TMEM39A: variants seen among roughly 807,000 people sequenced by gnomAD.
The protein encoded by TMEM39A is transmembrane protein 39A.
A neutral mutation model predicts 51.9 loss-of-function variants in TMEM39A; 19 were observed. The observed-to-expected ratio is 0.37, with a 90% CI of 0.26 to 0.54. The LOEUF (loss-of-function observed/expected upper bound fraction) is 0.54. Ranked by LOEUF, TMEM39A falls within the 20% of genes least tolerant of loss-of-function variation. The pLI is 0.88. For synonymous variants in TMEM39A, 197 were observed against 220.2 expected, an observed-to-expected ratio of 0.89 and a Z score of 0.93; for missense variants, 433 against 590.5, an observed-to-expected ratio of 0.73 and a Z score of 2.76.
intron 5 of TMEM39A, chr3:119,446,710 C>A: frequency 4.6e-6 from 1 of 216,272 alleles, no homozygotes; most frequent in Non-Finnish European, 9.1e-6. Context: ...AATTAACTAC[C>A]GTTTACCCAA....
chr3:119,437,352 AG>A (rs1271148529), intron 6 of TMEM39A, among the ~76,000 whole-genome samples: 1 of 151,392 alleles, frequency 6.6e-6, no homozygotes, highest in African/African-American at 2.4e-5. Flanking sequence ...TTTCTATTAA[AG>A]TAAACTGAAG....
Position 119,431,887 on chromosome 3 carries a change from TA to T in TMEM39A, c.*93del. The T allele has an allele frequency of 2.3e-6, 2 of 864,558 alleles. No individual in the cohort carries two copies. The highest frequency in any genetic ancestry group is 3.4e-6 in the Non-Finnish European group (2 of 587,874). 53.6% of individuals were successfully genotyped at this position (864,558 alleles called of 1,614,324 possible). A position where few individuals can be genotyped will look rare whatever the true frequency, so the allele number is the denominator to read the frequency against. ...TCAAAACATAATAGTATACAAAATA[TA>T]AAATATCTTAAATATTTATAAAAAT... is the stretch of plus-strand genomic sequence containing the variant. On this transcript the variant is annotated 3_prime_UTR_variant, in exon 9 of 9. Coordinates refer to ENST00000319172, the MANE Select transcript of TMEM39A (RefSeq NM_018266.3).
chr3:119,458,377 T>C (rs1028315100), intron 2 of TMEM39A, 137 bp from the exon 3 acceptor site: 9 of 679,144 alleles, frequency 1.3e-5, no homozygotes, highest in South Asian at 7.6e-5. Context: ...GATCCTCTTT[T>C]CTCCCTCCAC....
chr3:119,433,758 C>T (rs1021014397), intron 8 of TMEM39A, among the ~76,000 whole-genome samples: 1 of 152,118 alleles, frequency 6.6e-6, no homozygotes, highest in Non-Finnish European at 1.5e-5. Context: ...TTTCCACTGG[C>T]GTCAAGAAGG....
chr3:119,453,335 T>C (rs2081223358), intron 3 of TMEM39A, among the ~76,000 whole-genome samples: 1 of 152,204 alleles, frequency 6.6e-6, no homozygotes, highest in Non-Finnish European at 1.5e-5. Flanking sequence ...AGATACAGTG[T>C]GGAAGATGAC....
At chr3:119,449,720 A>T (rs1195285926) in intron 4 of TMEM39A, among the ~76,000 whole-genome samples, 1 of 152,130 alleles carries the variant, frequency 6.6e-6, no homozygotes, top group Non-Finnish European at 1.5e-5. Flanking sequence ...ATTTTTTTCA[A>T]TAAAATATAC....
chr3:119,436,966 A>G lies in TMEM39A; in HGVS notation c.937T>C (p.Tyr313His). The change falls in exon 7 of 9, where the codon TAT becomes CAT. Residue 313 changes from tyrosine (Y) to histidine (H), a missense_variant. Coordinates refer to ENST00000319172, the MANE Select transcript of TMEM39A (RefSeq NM_018266.3). ...PLCFVKSTQY[Y>H]DMRWSCEHLI... Reference sequence around the variant, plus strand: ...TGCTCACATGACCAGCGCATGTCATAGTACTGGGTACTCTGGAAGAGATCA... The same window carrying G: ...TGCTCACATGACCAGCGCATGTCATGGTACTGGGTACTCTGGAAGAGATCA... 1 of 1,612,982 alleles carries G rather than the reference A, an allele frequency of 6.2e-7. No homozygotes were observed. The highest frequency in any genetic ancestry group is 8.5e-7 in the Non-Finnish European group (1 of 1,179,096).
Position 119,431,252 on chromosome 3 carries a change from T to G in TMEM39A, c.*729A>C, listed in dbSNP as rs2080895644. ...CCTACTGATCCAGCCACACATCATC[T>G]TCTTCATGAATGTGGGCAGTCTAAA... On this transcript the variant is annotated 3_prime_UTR_variant, in exon 9 of 9. Coordinates refer to ENST00000319172, the MANE Select transcript of TMEM39A (RefSeq NM_018266.3). The G allele has an allele frequency of 6.6e-6, 1 of 152,128 alleles. No individual in the cohort carries two copies. The highest frequency in any genetic ancestry group is 1.5e-5 in the Non-Finnish European group (1 of 68,002). 9.4% of individuals were successfully genotyped at this position (152,128 alleles called of 1,614,324 possible).
intron 5 of TMEM39A, among the ~76,000 whole-genome samples, chr3:119,444,419 A>G (rs1170241971): frequency 1.3e-5 from 2 of 152,234 alleles, no homozygotes; most frequent in Non-Finnish European, 2.9e-5. Flanking sequence ...TGTTCGTAAC[A>G]GATAATTCAT....
intron 3 of TMEM39A, among the ~76,000 whole-genome samples, chr3:119,457,244 A>G (rs1469548060): frequency 2.0e-5 from 3 of 152,330 alleles, no homozygotes; most frequent in African/African-American, 7.2e-5. Flanking sequence ...TGCTGGGATT[A>G]CAGGCGTGAG....
chr3:119,454,844 G>C (rs1210881082), intron 3 of TMEM39A, among the ~76,000 whole-genome samples: 1 of 152,068 alleles, frequency 6.6e-6, no homozygotes, highest in Non-Finnish European at 1.5e-5. Context: ...AGCAAATCAT[G>C]TTATAACCAA....
At chr3:119,462,864 A>C (rs571209562) in intron 1 of TMEM39A, among the ~76,000 whole-genome samples, 1 of 150,440 alleles carries the variant, frequency 6.6e-6, no homozygotes, top group South Asian at 2.1e-4. Context: ...CAAGATTAAG[A>C]AGCAAGTAAA....
chr3:119,452,994 T>G (rs1167193486), intron 3 of TMEM39A, among the ~76,000 whole-genome samples: 1 of 152,246 alleles, frequency 6.6e-6, no homozygotes, highest in African/African-American at 2.4e-5. Flanking sequence ...GGTACATCAA[T>G]TATACTCATT....
chr3:119,448,761 A>G (rs2081160619), intron 4 of TMEM39A, among the ~76,000 whole-genome samples: 2 of 150,046 alleles, frequency 1.3e-5, no homozygotes, highest in East Asian at 2.0e-4. Context: ...CTCCTTCTCA[A>G]AAGTTCAGGG....
At chr3:119,443,087 A>AAAAAAAC (rs199691444) in intron 5 of TMEM39A, among the ~76,000 whole-genome samples, 9 of 133,538 alleles carry the variant, frequency 6.7e-5, no homozygotes, top group Admixed American at 7.7e-5. Flanking sequence ...AAAAAAAAAA[A>AAAAAAAC]GTGAAGCCTG....
At chr3:119,457,236 C>T (rs960268718) in intron 3 of TMEM39A, among the ~76,000 whole-genome samples, 1 of 152,176 alleles carries the variant, frequency 6.6e-6, no homozygotes, top group Non-Finnish European at 1.5e-5. Context: ...TCCCAAAGTG[C>T]TGGGATTACA....
rs1187337556 is a variant in TMEM39A at position 119,430,776 on chromosome 3, ACGACATGATTGGT to A, written c.*1192_*1204del. 2.6e-5 allele frequency: 4 copies of A among 152,108 alleles called. No homozygotes were observed. Among genetic ancestry groups the A allele is most frequent in the Admixed American group, 6.6e-5 (1 of 15,262 alleles). 9.4% of individuals were successfully genotyped at this position (152,108 alleles called of 1,614,324 possible). Reference sequence around the variant, plus strand: ...AATTATTTTCAGAGCCAGCTTGTCAACGACATGATTGGTCTTTTTACTTCATAAGTCTTATTTT... The same window carrying A: ...AATTATTTTCAGAGCCAGCTTGTCAACTTTTTACTTCATAAGTCTTATTTT... On this transcript the variant is annotated 3_prime_UTR_variant, in exon 9 of 9. Coordinates refer to ENST00000319172, the MANE Select transcript of TMEM39A (RefSeq NM_018266.3).
rs201036995 is a variant in TMEM39A, at chr3:119,447,118, G to A, written c.475C>T (p.Arg159Cys). Residue 159 changes from arginine (R) to cysteine (C), a missense_variant, in exon 5 of 9, where the codon CGC (arginine) becomes TGC (cysteine). By Grantham distance (180) the Arg-to-Cys change is radical (BLOSUM62 -3). Transcript: ENST00000319172. ...MIHYMVLISA[R>C]LVLLTLCGWV... ...CCACACAAAGTGAGTAGTACCAAGC[G>A]AGCTGATATCAGAACCATGTAGTGA... The A allele has an allele frequency of 2.7e-5, 43 of 1,614,128 alleles. No individual in the cohort carries two copies. The African/African-American group carries it at 3.9e-4, about 15-fold the overall frequency.
At chr3:119,448,686 T>G (rs1434868273) in intron 4 of TMEM39A, among the ~76,000 whole-genome samples, 1 of 152,232 alleles carries the variant, frequency 6.6e-6, no homozygotes, top group Non-Finnish European at 1.5e-5. Context: ...CATACCTTCA[T>G]GCCAATTTAC....
Sources: allele counts gnomAD v4.1 joint callset (sites outside exome capture counted in the v4.1 genomes callset), GRCh38; gene constraint gnomAD v4.1.1; transcripts MANE v1.5; gene names NCBI Gene and HGNC (gene_info 2026-07-23, HGNC 2026-07-21).